The following FAM151A variants were observed in gnomAD, a reference collection of about 807,000 sequenced individuals.
FAM151A encodes family with sequence similarity 151 member A, also known as protein FAM151A.
Under a neutral mutation model 40.4 loss-of-function variants are expected in FAM151A, and 41 were observed. The observed-to-expected ratio is 1.01, with a 90% confidence interval of 0.79 to 1.32. The LOEUF (loss-of-function observed/expected upper bound fraction) is 1.32. Ranked by LOEUF, FAM151A falls within the 40% of genes most tolerant of loss-of-function variation. FAM151A has a pLI of 0.00. For missense variants in FAM151A, 740 were observed against 740.4 expected (o/e 1.00, Z 0.01); for synonymous variants, 337 against 312.5 (o/e 1.08, Z -0.83).
chr1:54,610,931 T>A, intron 6 of FAM151A: 1 of 985,382 alleles, frequency 1.0e-6, no homozygotes, highest in South Asian at 4.7e-5. Flanking sequence ...GATAGTGGCA[T>A]CTGATCACTG....
Position 54,609,395 on chromosome 1 carries a change from G to A in FAM151A, c.1631C>T (p.Ala544Val). The A allele has an allele frequency of 6.2e-7, 1 of 1,614,096 alleles. No homozygotes were observed. The highest frequency in any genetic ancestry group is 1.1e-5 in the South Asian group (1 of 91,084). ...RATVTVEHNP[A>V]GGDYASVRTA... The stretch of plus-strand genomic sequence containing the variant: ...CCTCACAGAGGCATAGTCGCCCCCA[G>A]CTGGGTTGTGCTCCACTGTGACGGT... The change falls in exon 8 of 8, where the codon GCT becomes GTT. Residue 544 changes from alanine to valine, a missense_variant. Coordinates refer to ENST00000302250, the MANE Select transcript of FAM151A (RefSeq NM_176782.3).
chr1:54,610,120 A>G, intron 7 of FAM151A, 179 bp from the exon 8 acceptor site: 1 of 1,434,278 alleles, frequency 7.0e-7, no homozygotes, highest in Non-Finnish European at 9.1e-7. Context: ...TGCCTGGTGC[A>G]TGAGAAACTC....
chr1:54,611,563 G>A (rs1644118560), intron 6 of FAM151A, 43 bp downstream of exon 6: 1 of 1,605,956 alleles, frequency 6.2e-7, no homozygotes, highest in East Asian at 2.2e-5. Context: ...GCTGCTCCAT[G>A]CAGAATCCAG....
Position 54,619,999 on chromosome 1 carries a change from G to T in FAM151A, c.127C>A (p.Leu43Met), listed in dbSNP as rs1644214162. The T allele has an allele frequency of 1.2e-6, 2 of 1,612,144 alleles. No individual in the cohort carries two copies. Among genetic ancestry groups the T allele is most frequent in the Non-Finnish European group, 1.7e-6 (2 of 1,178,718 alleles). Residue 43 changes from leucine (L) to methionine (M), a missense_variant, in exon 2 of 8, where the codon CTG becomes ATG. Physicochemically the swap from Leu to Met is conservative, Grantham distance 15. Coordinates refer to ENST00000302250, the MANE Select transcript of FAM151A (RefSeq NM_176782.3). ...AITLRRPGCE[L>M]EACSPDADML... ...TCGGCATCAGGGCTGCAGGCCTCCA[G>T]CTCACAGCCTGGAAGGAATCCCAAG...
In FAM151A at chr1:54,623,311, C is replaced by G; in HGVS notation, c.85G>C (p.Ala29Pro). ...ITCVSVVVIAAIVLAITLRRP... is the reference protein window; with the variant it reads ...ITCVSVVVIAPIVLAITLRRP... ...CGCAGGGTGATGGCAAGGACTATTG[C>G]GGCAATGACCACCACAGACACACAG... is the stretch of plus-strand genomic sequence containing the variant. The change falls in exon 1 of 8, where the codon GCA becomes CCA. Residue 29 changes from alanine to proline, a missense_variant. Coordinates refer to ENST00000302250, the MANE Select transcript of FAM151A (RefSeq NM_176782.3). 3 of 1,614,008 alleles carry G rather than the reference C, an allele frequency of 1.9e-6. No homozygotes were observed. The highest frequency in any genetic ancestry group is 1.7e-4 in the Middle Eastern group (1 of 6,058).
chr1:54,614,967 C>A, intron 3 of FAM151A, 108 bp from the exon 4 acceptor site: 2 of 1,073,896 alleles, frequency 1.9e-6, no homozygotes, highest in Non-Finnish European at 2.7e-6. Flanking sequence ...TGTGCGTGCA[C>A]AGTGGAGTCA....
At chr1:54,613,654 C>T (rs747945549) in intron 4 of FAM151A, among the ~76,000 whole-genome samples, 1 of 152,126 alleles carries the variant, frequency 6.6e-6, no homozygotes, top group African/African-American at 2.4e-5. Context: ...TTTTCTTCTT[C>T]AAAAGATGCA....
At chr1:54,615,265 A>T (rs1644160765) in intron 3 of FAM151A, among the ~76,000 whole-genome samples, 1 of 151,722 alleles carries the variant, frequency 6.6e-6, no homozygotes, top group Non-Finnish European at 1.5e-5. Flanking sequence ...ATTTGAGTAG[A>T]GGAGGAGATC....
chr1:54,617,404 CTA>C lies in FAM151A; in HGVS notation c.263-1234_263-1233del, dbSNP rs1368224792. Among the ~76,000 whole-genome samples, 15 of 149,896 alleles carry C rather than the reference CTA, an allele frequency of 1.0e-4. No individual in the cohort carries two copies. In the Admixed American group the frequency reaches 1.0e-3, roughly 10 times the overall value. ...CACTGCTTCCCTGCAAGTCTGTTCT[CTA>C]TAGAGCCGGCAAAGTGAGTGTCCTA... On this transcript the variant is annotated intron_variant, in intron 2 of 7. Coordinates refer to ENST00000302250, the MANE Select transcript of FAM151A (RefSeq NM_176782.3).
intron 1 of FAM151A, among the ~76,000 whole-genome samples, chr1:54,622,834 AAG>A (rs1323083106): frequency 4.5e-5 from 2 of 44,186 alleles, no homozygotes; most frequent in African/African-American, 1.0e-4. Context: ...GGAAGAGAGA[AAG>A]AGCTGTGGAT....
intron 7 of FAM151A, 50 bp from the exon 8 acceptor site, chr1:54,609,991 G>A (rs148888671): frequency 1.3e-6 from 2 of 1,551,406 alleles, no homozygotes; most frequent in South Asian, 1.2e-5. Context: ...GTTATCATAA[G>A]GTGTTAAGAG....
intron 7 of FAM151A, 73 bp downstream of exon 7, chr1:54,610,335 ACCGG>A (rs1208214838): frequency 6.4e-7 from 1 of 1,563,048 alleles, no homozygotes; most frequent in Non-Finnish European, 8.7e-7. Flanking sequence ...GGCAACAGAG[ACCGG>A]CGGTACCTGC....
At chr1:54,611,956 G>C (rs1198999578) in intron 5 of FAM151A, among the ~76,000 whole-genome samples, 1 of 152,126 alleles carries the variant, frequency 6.6e-6, no homozygotes, top group African/African-American at 2.4e-5. Flanking sequence ...AGGCCCAGGA[G>C]GGAGGGGGAG....
At position 54,609,952 on chromosome 1, in the gene FAM151A, C is replaced by A. The variant is rs369218528; in HGVS notation, c.1085-11G>T. The A allele has an allele frequency of 4.2e-4, 669 of 1,596,836 alleles. 5 individuals carry two copies. The South Asian group carries it at 6.3e-3, about 15-fold the overall frequency. On this transcript the variant is annotated splice_polypyrimidine_tract_variant and intron_variant, in intron 7 of 7. Transcript: ENST00000302250. ...TCATGCCTTCTGTGTCTGGAAGAGG[C>A]GGCAGAGGCAACAGTGTTTAGGATT...
chr1:54,609,214 C>T lies in FAM151A; in HGVS notation c.*54G>A. 3.8e-6 allele frequency: 6 copies of T among 1,590,540 alleles called. No homozygotes were observed. The South Asian group carries it at 4.6e-5, about 12-fold the overall frequency. On this transcript the variant is annotated 3_prime_UTR_variant, in exon 8 of 8. Coordinates refer to ENST00000302250, the MANE Select transcript of FAM151A (RefSeq NM_176782.3). ...GCCAAAGACCTTTATTTCTTCCTGC[C>T]TCCCCGTGGGAAGCCTCCGCCCTGA...
At chr1:54,622,913 A>T (rs186696876) in intron 1 of FAM151A, among the ~76,000 whole-genome samples, 2 of 151,542 alleles carry the variant, frequency 1.3e-5, no homozygotes, top group East Asian at 3.9e-4. Context: ...GATGACTCAC[A>T]CCTGTAATCC....
Position 54,612,647 on chromosome 1 carries a change from G to A in FAM151A, c.639C>T (p.Phe213=). 2 of 1,614,132 alleles carry A rather than the reference G, an allele frequency of 1.2e-6. No homozygotes were observed. Among genetic ancestry groups the A allele is most frequent in the Middle Eastern group, 3.3e-4 (2 of 6,056 alleles). Residue 213 remains phenylalanine, a synonymous_variant, in exon 5 of 8, where the codon TTC becomes TTT. Transcript: ENST00000302250. ...KATLSPGWTT[F]YMSTSPNRTY... is the part of the protein sequence containing the mutation. ...TCCTGTTTGGGGACGTGGACATGTA[G>A]AAGGTGGTCCAGCCTGGAGATAGGG...
At chr1:54,610,629 T>C (rs1174092278) in intron 6 of FAM151A, 74 bp from the exon 7 acceptor site, 1 of 1,563,884 alleles carries the variant, frequency 6.4e-7, no homozygotes, top group Non-Finnish European at 8.7e-7. Flanking sequence ...TAGGGTCCCA[T>C]AGGCCACAGC....
At chr1:54,622,700 T>C (rs945153470) in intron 1 of FAM151A, among the ~76,000 whole-genome samples, 1 of 151,898 alleles carries the variant, frequency 6.6e-6, no homozygotes. Context: ...GATTGCACCA[T>C]TGCACTCCAG....
Sources: allele counts gnomAD v4.1 joint callset (sites outside exome capture counted in the v4.1 genomes callset), GRCh38; gene constraint gnomAD v4.1.1; transcripts MANE v1.5; gene names NCBI Gene and HGNC (gene_info 2026-07-23, HGNC 2026-07-21).